Variants in DTX4 observed in about 807,000 individuals in gnomAD.
The protein encoded by DTX4 is deltex E3 ubiquitin ligase 4.
In DTX4, 28 loss-of-function variants were observed where a neutral mutation model predicts 57.6. That is an observed-to-expected ratio of 0.49 (90% CI 0.36 to 0.67). The LOEUF (loss-of-function observed/expected upper bound fraction) is 0.67. Ranked by LOEUF, DTX4 falls within the 30% of genes least tolerant of loss-of-function variation. The probability of loss-of-function intolerance (pLI) is 0.00; values close to 1 mark genes in which losing one functional copy is unlikely to be tolerated. For missense variants in DTX4, 715 were observed against 836.8 expected (o/e 0.85, Z 1.80); for synonymous variants, 316 against 331.0 (o/e 0.95, Z 0.49).
At chr11:59,198,788 C>T (rs1164949510) in intron 7 of DTX4, among the ~76,000 whole-genome samples, 1 of 152,076 alleles carries the variant, frequency 6.6e-6, no homozygotes, top group Non-Finnish European at 1.5e-5. Context: ...GGGTTCCATC[C>T]CTCAGGGGGT....
chr11:59,204,588 G>T, intron 8 of DTX4, 88 bp from the exon 9 acceptor site: 1 of 1,222,328 alleles, frequency 8.2e-7, no homozygotes, highest in East Asian at 2.5e-5. Flanking sequence ...AAGGGATGGG[G>T]CCCTTGGGAG....
At chr11:59,187,777 C>T (rs772471589) in intron 2 of DTX4, among the ~76,000 whole-genome samples, 6 of 152,216 alleles carry the variant, frequency 3.9e-5, no homozygotes, top group Non-Finnish European at 5.9e-5. Context: ...GGGAGGGCCG[C>T]GCCTTTCCCA....
intron 4 of DTX4, among the ~76,000 whole-genome samples, chr11:59,189,595 G>T (rs544288766): frequency 1.3e-5 from 2 of 152,314 alleles, no homozygotes; most frequent in Admixed American, 1.3e-4. Context: ...TATGTTAGAA[G>T]AGAAAGATGA....
intron 2 of DTX4, among the ~76,000 whole-genome samples, chr11:59,184,841 C>G (rs1436505888): frequency 6.6e-6 from 1 of 152,204 alleles, no homozygotes; most frequent in East Asian, 1.9e-4. Flanking sequence ...TCTTCCAGCC[C>G]TTTGCTTTTC....
At chr11:59,188,819 C>G in intron 3 of DTX4, 23 bp downstream of exon 3, 1 of 1,606,004 alleles carries the variant, frequency 6.2e-7, no homozygotes, top group Non-Finnish European at 8.5e-7. Context: ...CCAGGATGCT[C>G]TGGGTTAAGG....
At chr11:59,188,685 T>C (rs1389000643) in intron 2 of DTX4, 50 bp from the exon 3 acceptor site, 1 of 1,507,368 alleles carries the variant, frequency 6.6e-7, no homozygotes, top group Admixed American at 1.7e-5. Flanking sequence ...TACTGGTCCA[T>C]TTTGTTCCAC....
chr11:59,204,212 A>ATACTAATTT (rs1478402335), intron 8 of DTX4, among the ~76,000 whole-genome samples: 24 of 152,168 alleles, frequency 1.6e-4, no homozygotes, highest in Non-Finnish European at 3.2e-4. Context: ...TACTACATTG[A>ATACTAATTT]GGTAGTGGTG....
intron 1 of DTX4, among the ~76,000 whole-genome samples, chr11:59,176,469 G>A (rs976945966): frequency 9.2e-5 from 14 of 152,256 alleles, no homozygotes; most frequent in African/African-American, 3.1e-4. Context: ...TCAGTAAATA[G>A]TTATGGAGCA....
intron 2 of DTX4, among the ~76,000 whole-genome samples, chr11:59,188,346 G>A (rs1426973860): frequency 2.6e-5 from 4 of 152,180 alleles, no homozygotes; most frequent in Admixed American, 6.5e-5. Context: ...AGTTGTAGGA[G>A]GAAACTAAGC....
chr11:59,185,299 C>T (rs1187856954), intron 2 of DTX4: 4 of 152,226 alleles, frequency 2.6e-5, no homozygotes, highest in African/African-American at 4.8e-5. Context: ...GAGAAAAACA[C>T]TGCTTCTCAT....
intron 2 of DTX4, chr11:59,185,456 G>C (rs1241129748): frequency 3.9e-5 from 6 of 152,330 alleles, no homozygotes; most frequent in Admixed American, 1.3e-4. Flanking sequence ...AATGGGGGCA[G>C]GGGGTGTCTT....
intron 6 of DTX4, among the ~76,000 whole-genome samples, chr11:59,193,173 G>A (rs1341723517): frequency 6.6e-6 from 1 of 152,172 alleles, no homozygotes; most frequent in Non-Finnish European, 1.5e-5. Context: ...AAGAGAGGTG[G>A]GAGACCTGAG....
intron 2 of DTX4, among the ~76,000 whole-genome samples, chr11:59,183,948 C>G (rs1322009927): frequency 1.3e-5 from 2 of 152,228 alleles, no homozygotes; most frequent in Non-Finnish European, 2.9e-5. Context: ...CAAGGAGAAA[C>G]AGAGCTCATG....
chr11:59,202,194 T>C (rs1862748358), intron 8 of DTX4, among the ~76,000 whole-genome samples: 1 of 152,228 alleles, frequency 6.6e-6, no homozygotes, highest in Admixed American at 6.5e-5. Flanking sequence ...TCACACCAAT[T>C]TCTCATCCTT....
At chr11:59,195,590 A>T (rs1387764159) in intron 7 of DTX4, among the ~76,000 whole-genome samples, 1 of 150,662 alleles carries the variant, frequency 6.6e-6, no homozygotes. Context: ...AGAAAATCGC[A>T]TCCACCCTTC....
Position 59,172,738 on chromosome 11 carries a change from A to G in DTX4, c.143A>G (p.Gln48Arg), listed in dbSNP as rs752336085. 3.7e-6 allele frequency: 6 copies of G among 1,605,424 alleles called. No homozygotes were observed. The highest frequency in any genetic ancestry group is 1.1e-5 in the South Asian group (1 of 90,042). ...PRAGGSVVLGQVDSRLAPYII... is the reference protein window; with the variant it reads ...PRAGGSVVLGRVDSRLAPYII... The stretch of plus-strand genomic sequence containing the variant: ...GCGGGGGGCAGCGTGGTGCTGGGCC[A>G]GGTGGACAGCCGTCTCGCGCCCTAC... The change falls in exon 1 of 9, where the codon CAG becomes CGG. Residue 48 changes from glutamine to arginine, a missense_variant. Gln to Arg is a conservative substitution (Grantham distance 43). Coordinates refer to ENST00000227451, the MANE Select transcript of DTX4 (RefSeq NM_015177.2).
chr11:59,199,729 TTCCCAC>T lies in DTX4; in HGVS notation c.1583_1588del (p.Phe528_Arg530delinsTer), dbSNP rs2135525644. On this transcript the variant is annotated stop_gained and inframe_deletion, in exon 8 of 9. Transcript: ENST00000227451. LOFTEE classifies it high-confidence loss of function. ...TGGGAAGAGTTTCAGCGCCCGAGGC[TTCCCAC>T]GACACTGTTACCTTCCGGACAGCGA... is the stretch of plus-strand genomic sequence containing the variant. 1 of 1,575,882 alleles carries T rather than the reference TTCCCAC, an allele frequency of 6.3e-7. No homozygotes were observed. Among genetic ancestry groups the T allele is most frequent in the East Asian group, 2.4e-5 (1 of 42,550 alleles).
At chr11:59,194,874 T>C in intron 6 of DTX4, 2 of 310,730 alleles carry the variant, frequency 6.4e-6, no homozygotes, top group South Asian at 3.4e-5. Flanking sequence ...GGTCTTTCTG[T>C]CTGTTCCACC....
chr11:59,201,560 C>T (rs1006471737), intron 8 of DTX4, among the ~76,000 whole-genome samples: 4 of 152,210 alleles, frequency 2.6e-5, no homozygotes, highest in African/African-American at 7.2e-5. Context: ...GGGACAGTGA[C>T]CTTTCTACAG....
Sources: gnomAD v4.1 joint callset for allele counts (sites outside exome capture counted in the v4.1 genomes callset) on GRCh38, gnomAD v4.1.1 for gene constraint, MANE v1.5 for transcripts, NCBI Gene and HGNC (gene_info 2026-07-23, HGNC 2026-07-21) for gene names.